The following DERL3 variants were observed in gnomAD, a reference collection of about 807,000 sequenced individuals.
DERL3 encodes the protein derlin-3.
A neutral mutation model predicts 23.8 loss-of-function variants in DERL3; 20 were observed. The ratio of observed to expected loss-of-function variants is 0.84; its 90% CI spans 0.59 to 1.22. DERL3 has a LOEUF of 1.22. DERL3 is among the 50% of genes most tolerant of loss of function. The pLI is 0.00. For synonymous variants in DERL3, 145 were observed against 132.5 expected (o/e 1.09, Z -0.65); for missense variants, 319 against 304.1 (o/e 1.05, Z -0.36).
chr22:23,836,099 G>A lies in DERL3; in HGVS notation c.*770C>T, dbSNP rs536450679. On this transcript the variant is annotated 3_prime_UTR_variant, in exon 7 of 7. Transcript: ENST00000318109. Reference sequence around the variant, plus strand: ...AAATGAGCCACAGGGGTCGGATAAGGCTCACACACGTCCTCAGCTAAAAAG... The same window carrying A: ...AAATGAGCCACAGGGGTCGGATAAGACTCACACACGTCCTCAGCTAAAAAG... The A allele has an allele frequency of 2.0e-6, 2 of 985,474 alleles. No homozygotes were observed. The highest frequency in any genetic ancestry group is 3.5e-5 in the African/African-American group (2 of 57,364). The allele number at this position is 985,474 out of a possible 1,614,324, so 61.0% of individuals were successfully genotyped here. A position where few individuals can be genotyped will look rare whatever the true frequency, so the allele number is the denominator to read the frequency against.
At position 23,837,971 on chromosome 22, in the gene DERL3, A is replaced by G. The variant is rs1453381160; in HGVS notation, c.328-117T>C. On this transcript the variant is annotated intron_variant, in intron 4 of 6. Transcript: ENST00000318109. ...TCCCCTATGTGCTATTCCCTCATCA[A>G]GATGAGCCAGTCCAATAAAGGCGAC... The G allele has an allele frequency of 3.2e-6, 4 of 1,264,214 alleles. No homozygotes were observed. In the East Asian group the frequency reaches 1.0e-4, roughly 32 times the overall value. 78.3% of individuals were successfully genotyped at this position (1,264,214 alleles called of 1,614,324 possible).
Position 23,834,731 on chromosome 22 carries a change from C to A in DERL3, c.*2138G>T. The A allele has an allele frequency of 6.8e-7, 1 of 1,465,176 alleles. No individual in the cohort carries two copies. Among genetic ancestry groups the A allele is most frequent in the African/African-American group, 1.4e-5 (1 of 71,296 alleles). The allele number at this position is 1,465,176 out of a possible 1,614,324, so 90.8% of individuals were successfully genotyped here. ...AGCTCCCCTCAGCCTGTTCTCCTTC[C>A]AGACCCAGAGAGCTGAGAAGAGTAG... On this transcript the variant is annotated 3_prime_UTR_variant, in exon 7 of 7. Coordinates refer to ENST00000318109, the MANE Select transcript of DERL3 (RefSeq NM_001002862.3).
intron 5 of DERL3, 165 bp downstream of exon 5, chr22:23,837,494 T>G (rs2146063416): frequency 1.3e-6 from 1 of 754,244 alleles, no homozygotes; most frequent in Non-Finnish European, 2.1e-6. Flanking sequence ...GCCGGCTGGC[T>G]TGAGGGGCTG....
Position 23,836,555 on chromosome 22 carries a change from T to C in DERL3, c.*314A>G. 9.2e-7 allele frequency: 1 copy of C among 1,086,176 alleles called. No homozygotes were observed. Among genetic ancestry groups the C allele is most frequent in the Non-Finnish European group, 1.1e-6 (1 of 896,502 alleles). The allele number at this position is 1,086,176 out of a possible 1,614,324, so 67.3% of individuals were successfully genotyped here. The stretch of plus-strand genomic sequence containing the variant: ...CACCTGTGAGCTCAAAAGCTCTGCC[T>C]GGCAACCTGTGAGCTCAAAGCTCTG... On this transcript the variant is annotated 3_prime_UTR_variant, in exon 7 of 7. Coordinates refer to ENST00000318109, the MANE Select transcript of DERL3 (RefSeq NM_001002862.3).
In DERL3 at chr22:23,835,666, C is replaced by A. The variant is rs2030988008; in HGVS notation, c.*1203G>T. ...AAGGCCTTGAACAAAGGGGAAGATT[C>A]CCAGCCCAGCTGCTCTTAGACATGA... On this transcript the variant is annotated 3_prime_UTR_variant, in exon 7 of 7. Transcript: ENST00000318109. The A allele has an allele frequency of 1.0e-6, 1 of 985,416 alleles. No individual in the cohort carries two copies. The highest frequency in any genetic ancestry group is 4.7e-5 in the South Asian group (1 of 21,296). 61.0% of individuals were successfully genotyped at this position (985,416 alleles called of 1,614,324 possible).
chr22:23,837,151 A>T lies in DERL3; in HGVS notation c.527T>A (p.Ile176Asn). The T allele has an allele frequency of 1.2e-6, 2 of 1,613,808 alleles. No homozygotes were observed. Among genetic ancestry groups the T allele is most frequent in the Non-Finnish European group, 8.5e-7 (1 of 1,179,860 alleles). Reference protein sequence around the residue: ...GNSILVDLLGIAVGHIYYFLE... With the variant: ...GNSILVDLLGNAVGHIYYFLE... ...GAAGTAGTAGATATGGCCCACCGCA[A>T]TCCCTGTGAGACAGCCACGGACTGT... Residue 176 changes from isoleucine (I) to asparagine (N), a missense_variant, in exon 6 of 7, where the codon ATT becomes AAT. By Grantham distance (149) the Ile-to-Asn change is moderately radical. Coordinates refer to ENST00000318109, the MANE Select transcript of DERL3 (RefSeq NM_001002862.3).
At position 23,834,520 on chromosome 22, in the gene DERL3, GTCATGTTCAATTTCTTCAAAGT is replaced by G; in HGVS notation, c.*2327_*2348del. The G allele has an allele frequency of 1.7e-6, 1 of 578,840 alleles. No homozygotes were observed. 35.9% of individuals were successfully genotyped at this position (578,840 alleles called of 1,614,324 possible). On this transcript the variant is annotated 3_prime_UTR_variant, in exon 7 of 7. Coordinates refer to ENST00000318109, the MANE Select transcript of DERL3 (RefSeq NM_001002862.3). ...AGGTCATGTTCAATTTCTTCAACAG[GTCATGTTCAATTTCTTCAAAGT>G]TTTAACATAAAAATAATGAGAGCCA...
At position 23,838,898 on chromosome 22, in the gene DERL3, C is replaced by A; in HGVS notation, c.90G>T (p.Ala30=). Residue 30 remains alanine (A), a synonymous_variant, in exon 1 of 7, where the codon GCG becomes GCT. Transcript: ENST00000318109. ...YTAACVLTTA[A]VQLELLSPFQ... ...TCCGGTCCGCCCGGCCGCTTACCAC[C>A]GCGGCGGTGGTGAGGACACAGGCTG... 1 of 1,563,974 alleles carries A rather than the reference C, an allele frequency of 6.4e-7. No homozygotes were observed. The highest frequency in any genetic ancestry group is 8.7e-7 in the Non-Finnish European group (1 of 1,154,170).
rs6003906 is a variant in DERL3 at position 23,837,862 on chromosome 22, A to T, written c.328-8T>A. The T allele has an allele frequency of 0.013, 20,957 of 1,608,900 alleles. 2,252 individuals are homozygous for T. The African/African-American group carries it at 0.24, about 18-fold the overall frequency. On this transcript the variant is annotated splice_region_variant and splice_polypyrimidine_tract_variant and intron_variant, in intron 4 of 6. Coordinates refer to ENST00000318109, the MANE Select transcript of DERL3 (RefSeq NM_001002862.3). ...GCCCAGGAGTCCCAGCAGCTGGGCC[A>T]GAGTCAAGGTGCTCCGGTGCAGGCC...
Position 23,838,974 on chromosome 22 carries a change from C to G in DERL3, c.14G>C (p.Gly5Ala), listed in dbSNP as rs1352894586. Reference sequence around the variant, plus strand: ...CACCTGCAGGAACTCGGCCGCTAGTCCCTGCCACGCCATTGAACCTTCTCA... The same window carrying G: ...CACCTGCAGGAACTCGGCCGCTAGTGCCTGCCACGCCATTGAACCTTCTCA... MAWQ[G>A]LAAEFLQVPA... The change falls in exon 1 of 7, where the codon GGA becomes GCA. Residue 5 changes from glycine to alanine, a missense_variant. Transcript: ENST00000318109. 1.3e-6 allele frequency: 2 copies of G among 1,575,088 alleles called. No individual in the cohort carries two copies. Among genetic ancestry groups the G allele is most frequent in the Non-Finnish European group, 1.7e-6 (2 of 1,160,206 alleles).
rs5760062 is a variant in DERL3, at chr22:23,836,403, C to G, written c.*466G>C. ...GGCTGGTTTGGCACAACCTAGGAGA[C>G]GCCTGTCCTGGCCCCAGCAGCCGAA... is the stretch of plus-strand genomic sequence containing the variant. On this transcript the variant is annotated 3_prime_UTR_variant, in exon 7 of 7. Transcript: ENST00000318109. 912,088 of 986,586 alleles carry G rather than the reference C, an allele frequency of 0.92. 421,947 individuals are homozygous for G. The highest frequency in any genetic ancestry group is 0.93 in the African/African-American group (53,477 of 57,396). 61.1% of individuals were successfully genotyped at this position (986,586 alleles called of 1,614,324 possible).
At chr22:23,837,907 C>T (rs2031229440) in intron 4 of DERL3, 53 bp from the exon 5 acceptor site, 1 of 1,537,370 alleles carries the variant, frequency 6.5e-7, no homozygotes, top group Non-Finnish European at 8.8e-7. Context: ...GCCCAGGGCC[C>T]CTCTGACTTC....
At chr22:23,837,581 A>G in intron 5 of DERL3, 78 bp downstream of exon 5, 1 of 1,440,524 alleles carries the variant, frequency 6.9e-7, no homozygotes, top group Non-Finnish European at 9.5e-7. Context: ...AGGATGGGAG[A>G]GGGGCCCCAG....
chr22:23,838,797 C>G, intron 1 of DERL3, 21 bp from the exon 2 acceptor site: 3 of 1,551,266 alleles, frequency 1.9e-6, no homozygotes, highest in Non-Finnish European at 2.6e-6. Flanking sequence ...AGGGGCCAGT[C>G]AAGAGCTGCC....
rs1294321880 is a variant in DERL3 at position 23,835,470 on chromosome 22, G to A, written c.*1399C>T. The stretch of plus-strand genomic sequence containing the variant: ...CCATGTGGGGCAGAGGCAGAGCTCT[G>A]ATTAGGGATTGGGGTTCTTGGTCGC... On this transcript the variant is annotated 3_prime_UTR_variant, in exon 7 of 7. Transcript: ENST00000318109. 1.0e-5 allele frequency: 10 copies of A among 985,930 alleles called. No individual in the cohort carries two copies. Among genetic ancestry groups the A allele is most frequent in the Non-Finnish European group, 1.2e-5 (10 of 830,288 alleles). 61.1% of individuals were successfully genotyped at this position (985,930 alleles called of 1,614,324 possible). A position where few individuals can be genotyped will look rare whatever the true frequency, so the allele number is the denominator to read the frequency against.
In DERL3 at chr22:23,835,730, G is replaced by A. The variant is rs2030992675; in HGVS notation, c.*1139C>T. ...CTGAGGTGTTTGTTCTGTCCATGAGGTAGGAACCTCGGCAATGAAAGGGTG... is the reference window on the plus strand; with the variant it reads ...CTGAGGTGTTTGTTCTGTCCATGAGATAGGAACCTCGGCAATGAAAGGGTG... On this transcript the variant is annotated 3_prime_UTR_variant, in exon 7 of 7. Coordinates refer to ENST00000318109, the MANE Select transcript of DERL3 (RefSeq NM_001002862.3). 1.0e-6 allele frequency: 1 copy of A among 985,382 alleles called. No homozygotes were observed. Among genetic ancestry groups the A allele is most frequent in the Admixed American group, 6.1e-5 (1 of 16,274 alleles). 61.0% of individuals were successfully genotyped at this position (985,382 alleles called of 1,614,324 possible). A position where few individuals can be genotyped will look rare whatever the true frequency, so the allele number is the denominator to read the frequency against.
chr22:23,838,169 C>T (rs1187127864), intron 4 of DERL3, 183 bp downstream of exon 4: 1 of 1,542,082 alleles, frequency 6.5e-7, no homozygotes, highest in Non-Finnish European at 8.7e-7. Flanking sequence ...TTGTATTTTG[C>T]ATACAGCACT....
In DERL3 at chr22:23,837,161, GAC is replaced by G; in HGVS notation, c.524-9_524-8del. The G allele has an allele frequency of 1.2e-6, 2 of 1,613,674 alleles. No homozygotes were observed. The highest frequency in any genetic ancestry group is 1.7e-6 in the Non-Finnish European group (2 of 1,179,840). Reference sequence around the variant, plus strand: ...ATATGGCCCACCGCAATCCCTGTGAGACAGCCACGGACTGTGGGGTCACCCTC... The same window carrying G: ...ATATGGCCCACCGCAATCCCTGTGAGAGCCACGGACTGTGGGGTCACCCTC... On this transcript the variant is annotated splice_polypyrimidine_tract_variant and splice_region_variant and intron_variant, in intron 5 of 6. Transcript: ENST00000318109.
In DERL3 at chr22:23,835,892, G is replaced by T; in HGVS notation, c.*977C>A. 1 of 985,506 alleles carries T rather than the reference G, an allele frequency of 1.0e-6. No individual in the cohort carries two copies. The highest frequency in any genetic ancestry group is 1.2e-6 in the Non-Finnish European group (1 of 829,966). 61.0% of individuals were successfully genotyped at this position (985,506 alleles called of 1,614,324 possible). On this transcript the variant is annotated 3_prime_UTR_variant, in exon 7 of 7. Transcript: ENST00000318109. ...CTCCTGACCGCCAGCTCACACCGCC[G>T]CAAAGCCATCTCCACAAGGTCTGGC... is the stretch of plus-strand genomic sequence containing the variant.
Sources: gnomAD v4.1 joint callset for allele counts on GRCh38, gnomAD v4.1.1 for gene constraint, MANE v1.5 for transcripts, NCBI Gene and HGNC (gene_info 2026-07-23, HGNC 2026-07-21) for gene names.